The following GRM1 variants were observed in gnomAD, a reference collection of about 807,000 sequenced individuals.
The protein encoded by GRM1 is metabotropic glutamate receptor 1.
A neutral mutation model predicts 90.9 loss-of-function variants in GRM1; 33 were observed. That is an observed-to-expected ratio of 0.36 (90% CI 0.28 to 0.49). The LOEUF is 0.49. GRM1 is among the 20% of genes least tolerant of loss of function. The pLI is 0.99. For synonymous variants in GRM1, 700 were observed against 613.2 expected, an observed-to-expected ratio of 1.14 and a Z score of -2.09; for missense variants, 1,190 against 1,534.3, an observed-to-expected ratio of 0.78 and a Z score of 3.75.
intron 3 of GRM1, among the ~76,000 whole-genome samples, chr6:146,344,496 T>C (rs1785100751): frequency 6.6e-6 from 1 of 152,238 alleles, no homozygotes; most frequent in Non-Finnish European, 1.5e-5. Context: ...TATCAACAGA[T>C]GTTACTAAGA....
rs181871331 is a variant in GRM1 at position 146,215,875 on chromosome 6, G to A, written c.950+56278G>A. Among the ~76,000 whole-genome samples, 312 of 151,890 alleles carry A rather than the reference G, an allele frequency of 2.1e-3. 4 individuals are homozygous for A. The East Asian group carries it at 0.03, about 15-fold the overall frequency. On this transcript the variant is annotated intron_variant, in intron 2 of 7. Transcript: ENST00000282753. ...GGGTTCACGCCATCCTCCTGCCTCA[G>A]CCTCCTGAGTAGCTGGGACTACAGG...
chr6:146,232,239 G>A (rs952007407), intron 2 of GRM1, among the ~76,000 whole-genome samples: 1 of 152,080 alleles, frequency 6.6e-6, no homozygotes, highest in Admixed American at 6.6e-5. Flanking sequence ...GAGGCCAGAA[G>A]TCAGAGTTCA....
chr6:146,259,330 T>A (rs1781597248), intron 2 of GRM1, among the ~76,000 whole-genome samples: 1 of 152,194 alleles, frequency 6.6e-6, no homozygotes, highest in Admixed American at 6.5e-5. Flanking sequence ...TAAAATAAGA[T>A]CTGCCCATTT....
intron 2 of GRM1, among the ~76,000 whole-genome samples, chr6:146,196,288 TG>T (rs2114599394): frequency 7.2e-6 from 1 of 139,028 alleles, no homozygotes; most frequent in South Asian, 2.1e-4. Context: ...TCTAGTGCAG[TG>T]GATTTTTTTT....
At chr6:146,336,792 CTG>C (rs1784784928) in intron 3 of GRM1, among the ~76,000 whole-genome samples, 1 of 152,206 alleles carries the variant, frequency 6.6e-6, no homozygotes, top group African/African-American at 2.4e-5. Flanking sequence ...GTACCCGACT[CTG>C]TATATTTTTG....
At chr6:146,264,033 A>AAG (rs1781788467) in intron 2 of GRM1, among the ~76,000 whole-genome samples, 1 of 152,156 alleles carries the variant, frequency 6.6e-6, no homozygotes, top group Non-Finnish European at 1.5e-5. Flanking sequence ...GTATATTAAT[A>AAG]CTGCTCTTGT....
At chr6:146,130,756 T>A (rs1470958561) in intron 1 of GRM1, among the ~76,000 whole-genome samples, 1 of 152,178 alleles carries the variant, frequency 6.6e-6, no homozygotes, top group East Asian at 1.9e-4. Context: ...AGGTTTTATC[T>A]GAGTTTAGGC....
intron 1 of GRM1, among the ~76,000 whole-genome samples, chr6:146,098,672 T>C (rs903207159): frequency 6.6e-6 from 1 of 151,964 alleles, no homozygotes; most frequent in Non-Finnish European, 1.5e-5. Flanking sequence ...GAATTGTAGT[T>C]CTCATAATCT....
intron 3 of GRM1, among the ~76,000 whole-genome samples, chr6:146,350,307 T>C (rs1785356028): frequency 6.6e-6 from 1 of 152,230 alleles, no homozygotes; most frequent in East Asian, 1.9e-4. Flanking sequence ...ACAGATAATT[T>C]TTCATTTGGT....
At chr6:146,149,147 G>A (rs1777222237) in intron 1 of GRM1, among the ~76,000 whole-genome samples, 1 of 152,192 alleles carries the variant, frequency 6.6e-6, no homozygotes, top group African/African-American at 2.4e-5. Flanking sequence ...AGTGAGGCAT[G>A]AGTGTTTGTA....
intron 2 of GRM1, among the ~76,000 whole-genome samples, chr6:146,219,965 G>A (rs528239022): frequency 6.6e-6 from 1 of 152,014 alleles, no homozygotes; most frequent in Non-Finnish European, 1.5e-5. Context: ...GAGTGTATAA[G>A]CTTAGTATTA....
chr6:146,405,570 C>T (rs1183180461), intron 7 of GRM1, among the ~76,000 whole-genome samples: 3 of 152,190 alleles, frequency 2.0e-5, no homozygotes, highest in Admixed American at 6.5e-5. Flanking sequence ...TGGTTTGTTT[C>T]TGGTGAAGGC....
At chr6:146,117,311 C>T (rs1191637409) in intron 1 of GRM1, among the ~76,000 whole-genome samples, 1 of 151,776 alleles carries the variant, frequency 6.6e-6, no homozygotes, top group African/African-American at 2.4e-5. Context: ...TTGCTCTAAA[C>T]ACACTTTGTT....
intron 2 of GRM1, among the ~76,000 whole-genome samples, chr6:146,256,037 AC>A (rs1250509191): frequency 6.6e-6 from 1 of 152,002 alleles, no homozygotes; most frequent in African/African-American, 2.4e-5. Flanking sequence ...CTGCTGACCA[AC>A]CTTCTTTTTG....
chr6:146,175,597 G>A (rs1778310396), intron 2 of GRM1, among the ~76,000 whole-genome samples: 2 of 152,076 alleles, frequency 1.3e-5, no homozygotes, highest in African/African-American at 2.4e-5. Flanking sequence ...CTTCAAAATT[G>A]TAAATAGTAA....
chr6:146,152,766 G>A (rs1243889805), intron 1 of GRM1, among the ~76,000 whole-genome samples: 1 of 152,072 alleles, frequency 6.6e-6, no homozygotes. Flanking sequence ...CAGAGCACAG[G>A]GAATTTTTCA....
chr6:146,333,374 A>T (rs894230091), intron 3 of GRM1, among the ~76,000 whole-genome samples: 4 of 152,032 alleles, frequency 2.6e-5, no homozygotes, highest in African/African-American at 9.7e-5. Flanking sequence ...TCCCCCTAGT[A>T]TTTACTTCCT....
rs533154401 is a variant in GRM1 at position 146,308,943 on chromosome 6, C to A, written c.1186+4097C>A. 3.3e-5 allele frequency among the ~76,000 whole-genome samples: 5 copies of A among 152,164 alleles called. No individual in the cohort carries two copies. In the East Asian group the frequency reaches 7.7e-4, roughly 24 times the overall value. On this transcript the variant is annotated intron_variant, in intron 3 of 7. Transcript: ENST00000282753. ...CACATAAGCTATAATTTAGGCATTT[C>A]ATTCTTTCTATTTAGGCTGTTTTTG...
At chr6:146,110,989 A>G (rs1370814375) in intron 1 of GRM1, among the ~76,000 whole-genome samples, 1 of 152,222 alleles carries the variant, frequency 6.6e-6, no homozygotes, top group East Asian at 1.9e-4. Context: ...TTCAAAAATC[A>G]TGATTGGCTA....
Sources: allele counts gnomAD v4.1 joint callset (sites outside exome capture counted in the v4.1 genomes callset), GRCh38; gene constraint gnomAD v4.1.1; transcripts MANE v1.5; gene names NCBI Gene and HGNC (gene_info 2026-07-23, HGNC 2026-07-21).